Variants in FBN1 observed in about 807,000 individuals in gnomAD.
The protein encoded by FBN1 is fibrillin-1.
Under a neutral mutation model 365.1 loss-of-function variants are expected in FBN1, and 29 were observed. The observed-to-expected ratio is 0.08, with a 90% CI of 0.06 to 0.11. The LOEUF is 0.11. Ranked by LOEUF, FBN1 falls within the 10% of genes least tolerant of loss-of-function variation. The probability of loss-of-function intolerance (pLI) is 1.00; values close to 1 mark genes in which losing one functional copy is unlikely to be tolerated. For missense variants in FBN1, 2,476 were observed against 3,703.2 expected (o/e 0.67, Z 8.60); for synonymous variants, 1,210 against 1,270.5 (o/e 0.95, Z 1.01).
intron 2 of FBN1, chr15:48,643,947 A>C (rs555919066): frequency 1.3e-5 from 2 of 152,562 alleles, no homozygotes; most frequent in Admixed American, 6.5e-5. Context: ...TACACAACAC[A>C]AACACCACTA....
Position 48,537,649 on chromosome 15 carries a change from C to T in FBN1, c.698G>A (p.Arg233His), listed in dbSNP as rs770140872. 4.3e-6 allele frequency: 7 copies of T among 1,614,224 alleles called. No homozygotes were observed. The East Asian group carries it at 8.9e-5, about 21-fold the overall frequency. ...CGTGCGGATATTTGGAATGAAGCCA[C>T]GGCGGCAGGGGTGAGGCTGGGCAGG... Reference protein sequence around the residue: ...MCPAQPHPCRRGFIPNIRTGA... With the variant: ...MCPAQPHPCRHGFIPNIRTGA... Residue 233 changes from arginine (R) to histidine (H), a missense_variant, in exon 7 of 66, where the codon CGT (arginine) becomes CAT (histidine). Transcript: ENST00000316623.
intron 2 of FBN1, among the ~76,000 whole-genome samples, chr15:48,620,267 G>A (rs1390828038): frequency 6.6e-6 from 1 of 152,174 alleles, no homozygotes; most frequent in African/African-American, 2.4e-5. Flanking sequence ...TGTATGTAAT[G>A]TTACACATCA....
In FBN1 at chr15:48,534,098, C is replaced by G. The variant is rs1352583764; in HGVS notation, c.844G>C (p.Val282Leu). Reference sequence around the variant, plus strand: ...TTCTTACCTTCACATTTTTGTGACACTTCATTAAGTTTGTGTCCAGCAGGG... The same window carrying G: ...TTCTTACCTTCACATTTTTGTGACAGTTCATTAAGTTTGTGTCCAGCAGGG... ...KCPAGHKLNE[V>L]SQKCEDIDEC... Residue 282 changes from valine to leucine, a missense_variant, in exon 8 of 66, where the codon GTG becomes CTG. Transcript: ENST00000316623. The G allele has an allele frequency of 6.2e-7, 1 of 1,613,582 alleles. No homozygotes were observed. The highest frequency in any genetic ancestry group is 2.2e-5 in the East Asian group (1 of 44,844).
chr15:48,513,981 C>A (rs1300416916), intron 12 of FBN1, among the ~76,000 whole-genome samples: 2 of 152,176 alleles, frequency 1.3e-5, no homozygotes, highest in East Asian at 3.9e-4. Context: ...ACTAACATTT[C>A]AGAAGTGGCT....
intron 4 of FBN1, among the ~76,000 whole-genome samples, chr15:48,601,982 T>C (rs902633727): frequency 6.6e-6 from 1 of 152,176 alleles, no homozygotes; most frequent in Non-Finnish European, 1.5e-5. Flanking sequence ...CTCCATCCCC[T>C]GATCTACTTA....
In FBN1 at chr15:48,463,896, T is replaced by A; in HGVS notation, c.5065+3A>T. The A allele has an allele frequency of 1.2e-6, 2 of 1,610,658 alleles. No homozygotes were observed. The highest frequency in any genetic ancestry group is 2.2e-5 in the South Asian group (2 of 90,352). On this transcript the variant is annotated splice_donor_region_variant and intron_variant, in intron 41 of 65. Coordinates refer to ENST00000316623, the MANE Select transcript of FBN1 (RefSeq NM_000138.5). ...TGCATTACTGAGAAAAGCTTGGACT[T>A]ACCCATGCAATTATTTCCCCCATTC...
intron 55 of FBN1, among the ~76,000 whole-genome samples, chr15:48,431,653 TATG>T (rs1045005178): frequency 7.2e-4 from 109 of 152,010 alleles, no homozygotes; most frequent in African/African-American, 2.6e-3. Flanking sequence ...TATATTATAA[TATG>T]ATATTATTAT....
At chr15:48,436,114 T>C (rs1216325010) in intron 53 of FBN1, among the ~76,000 whole-genome samples, 1 of 152,178 alleles carries the variant, frequency 6.6e-6, no homozygotes, top group Non-Finnish European at 1.5e-5. Context: ...TATTTGCTTT[T>C]GTTCTACTAT....
intron 18 of FBN1, 75 bp from the exon 19 acceptor site, chr15:48,497,466 T>A: frequency 7.1e-7 from 1 of 1,405,556 alleles, no homozygotes; most frequent in Non-Finnish European, 1.0e-6. Flanking sequence ...AATATAACAC[T>A]ACAATAAATG....
At chr15:48,443,692 T>C (rs2043133356) in intron 49 of FBN1, among the ~76,000 whole-genome samples, 1 of 152,202 alleles carries the variant, frequency 6.6e-6, no homozygotes, top group African/African-American at 2.4e-5. Flanking sequence ...AGGTGACTTC[T>C]TGAAAATCCT....
chr15:48,453,767 TA>T (rs1229612473), intron 44 of FBN1, among the ~76,000 whole-genome samples: 1 of 151,966 alleles, frequency 6.6e-6, no homozygotes, highest in Non-Finnish European at 1.5e-5. Flanking sequence ...GAATATATGA[TA>T]AATCTTTGTG....
intron 2 of FBN1, chr15:48,640,891 T>A (rs964288144): frequency 1.3e-5 from 2 of 152,128 alleles, no homozygotes; most frequent in African/African-American, 4.8e-5. Context: ...TCAAGTACAG[T>A]TGAGTTTTTT....
At chr15:48,529,439 G>A (rs750258487) in intron 8 of FBN1, 4 of 152,274 alleles carry the variant, frequency 2.6e-5, no homozygotes, top group Non-Finnish European at 5.9e-5. Flanking sequence ...CTTCATCCTA[G>A]GGCTCCTCTG....
intron 2 of FBN1, among the ~76,000 whole-genome samples, chr15:48,635,362 A>G (rs1033507186): frequency 6.6e-6 from 1 of 152,250 alleles, no homozygotes; most frequent in African/African-American, 2.4e-5. Flanking sequence ...AGGATTTGAT[A>G]TAGTATAAGA....
intron 52 of FBN1, 38 bp from the exon 53 acceptor site, chr15:48,437,115 T>C: frequency 7.1e-7 from 1 of 1,399,996 alleles, no homozygotes; most frequent in Non-Finnish European, 1.0e-6. Context: ...TAACAAGGTA[T>C]TTTTTAAACG....
intron 64 of FBN1, among the ~76,000 whole-genome samples, chr15:48,415,302 T>C (rs1462891434): frequency 1.3e-5 from 2 of 152,206 alleles, no homozygotes; most frequent in African/African-American, 2.4e-5. Flanking sequence ...AGAGAAGTCA[T>C]ATAGCGAGAT....
At chr15:48,511,114 G>A (rs1045532789) in intron 13 of FBN1, among the ~76,000 whole-genome samples, 3 of 152,154 alleles carry the variant, frequency 2.0e-5, no homozygotes, top group Non-Finnish European at 2.9e-5. Context: ...CTGAGTATAA[G>A]TGCCCTAAAT....
At chr15:48,519,007 C>T (rs1277025688) in intron 10 of FBN1, among the ~76,000 whole-genome samples, 2 of 152,214 alleles carry the variant, frequency 1.3e-5, no homozygotes, top group Admixed American at 1.3e-4. Flanking sequence ...AGTAGGTCTT[C>T]CTGCAGGCAC....
intron 60 of FBN1, among the ~76,000 whole-genome samples, chr15:48,424,146 G>A (rs1012129069): frequency 2.0e-5 from 3 of 152,170 alleles, no homozygotes; most frequent in African/African-American, 7.2e-5. Flanking sequence ...TGTAAAATAA[G>A]TTCCACATTT....
Sources: allele counts gnomAD v4.1 joint callset (sites outside exome capture counted in the v4.1 genomes callset), GRCh38; gene constraint gnomAD v4.1.1; transcripts MANE v1.5; gene names NCBI Gene and HGNC (gene_info 2026-07-23, HGNC 2026-07-21).